The following MUC22 variants were observed in gnomAD, a reference collection of about 807,000 sequenced individuals.
The protein encoded by MUC22 is mucin-22.
Under a neutral mutation model 40.3 loss-of-function variants are expected in MUC22, and 24 were observed. The observed-to-expected ratio is 0.60, with a 90% CI of 0.43 to 0.84. The LOEUF is 0.84. MUC22 is among the 40% of genes least tolerant of loss of function. The pLI, the probability that MUC22 is intolerant of heterozygous loss-of-function variation, is 0.00. For synonymous variants in MUC22, 765 were observed against 844.5 expected, an observed-to-expected ratio of 0.91 and a Z score of 1.63; for missense variants, 1,926 against 2,130.7, an observed-to-expected ratio of 0.90 and a Z score of 1.89.
intron 3 of MUC22, 39 bp from the exon 4 acceptor site, chr6:31,034,633 T>C (rs1361170524): frequency 3.3e-6 from 5 of 1,492,652 alleles, no homozygotes; most frequent in Non-Finnish European, 4.5e-6. Flanking sequence ...AGAGGAGACT[T>C]AATTTTCATT....
At chr6:31,027,911 C>T in exon 2 of MUC22, 1 of 1,535,082 alleles carries the variant, frequency 6.5e-7, no homozygotes, top group Non-Finnish European at 8.7e-7. Flanking sequence ...GAGACCACCA[C>T]AGACTCTACT....
intron 1 of MUC22, among the ~76,000 whole-genome samples, chr6:31,021,971 C>A (rs996393146): frequency 1.3e-5 from 2 of 152,116 alleles, no homozygotes; most frequent in African/African-American, 2.4e-5. Flanking sequence ...TGCAGCTTCA[C>A]TCCTGAAGCC....
Position 31,012,355 on chromosome 6 carries a change from C to A in MUC22, c.70+1579C>A, listed in dbSNP as rs189869858. Among the ~76,000 whole-genome samples the A allele has an allele frequency of 2.6e-5, 4 of 152,304 alleles. No individual in the cohort carries two copies. The East Asian group carries it at 7.7e-4, about 29-fold the overall frequency. ...TTTCTTCTCTTTCCCCTTGCCTTCA[C>A]CCTGAATGCTTCAACTGTTCTCTAC... On this transcript the variant is annotated intron_variant, in intron 1 of 3. Coordinates refer to ENST00000561890, the Ensembl canonical transcript of MUC22.
upstream of MUC22, among the ~76,000 whole-genome samples, chr6:31,009,370 T>A (rs577776631): frequency 5.9e-5 from 9 of 152,236 alleles, no homozygotes; most frequent in South Asian, 1.9e-3. Flanking sequence ...CCCGGCCAAT[T>A]GTTGAATCTT....
In MUC22 at chr6:31,029,302, G is replaced by A. The variant is rs140778074; in HGVS notation, c.3871G>A (p.Ala1291Thr). 14,271 of 1,526,722 alleles carry A rather than the reference G, an allele frequency of 9.3e-3. 137 individuals are homozygous for A. Among genetic ancestry groups the A allele is most frequent in the South Asian group, 0.026 (2,173 of 83,528 alleles). 94.6% of individuals were successfully genotyped at this position (1,526,722 alleles called of 1,614,324 possible). A position where few individuals can be genotyped will look rare whatever the true frequency, so the allele number is the denominator to read the frequency against. The change falls in exon 2 of 4, where the codon GCA (alanine) becomes ACA (threonine). Residue 1291 changes from alanine to threonine, a missense_variant. Transcript: ENST00000561890. ...TTCAGAGACCACTACAGTCACTACT[G>A]CAGGTTCTGAGACCACAGCAGTCTA... is the stretch of plus-strand genomic sequence containing the variant.
In MUC22 at chr6:31,011,441, C is replaced by T. The variant is rs767050773; in HGVS notation, c.70+665C>T. Among the ~76,000 whole-genome samples the T allele has an allele frequency of 6.6e-5, 10 of 152,146 alleles. No homozygotes were observed. The highest frequency in any genetic ancestry group is 1.3e-4 in the Non-Finnish European group (9 of 68,036). ...GCTCCCACCTATCAGTGAGAACATA[C>T]GATGTTTGGTTTTCCATTCCTGAGT... On this transcript the variant is annotated intron_variant, in intron 1 of 3. Transcript: ENST00000561890. This position sits in a 1 kb window ranked among gnomAD's most constrained non-coding sequence, Gnocchi z 4.5.
chr6:31,025,392 G>C, intron 1 of MUC22, 110 bp from the exon 2 acceptor site: 1 of 1,272,668 alleles, frequency 7.9e-7, no homozygotes, highest in Non-Finnish European at 1.0e-6. Context: ...CTCAATAACT[G>C]AATAAATAAA....
intron 1 of MUC22, among the ~76,000 whole-genome samples, chr6:31,012,156 T>C (rs9380204): frequency 0.11 from 17,169 of 152,172 alleles, 1,257 homozygotes; most frequent in East Asian, 0.33. Context: ...TCCATTGCCT[T>C]TACTGTAGGA....
intron 1 of MUC22, among the ~76,000 whole-genome samples, chr6:31,020,011 T>A (rs1764553277): frequency 6.6e-6 from 1 of 152,156 alleles, no homozygotes; most frequent in South Asian, 2.1e-4. Flanking sequence ...CAATATGTAT[T>A]ATTGAAGTTC....
chr6:31,027,606 C>CA lies in MUC22; in HGVS notation c.2179dup (p.Thr727AsnfsTer8). On this transcript the variant is annotated frameshift_variant, in exon 2 of 4. Transcript: ENST00000561890. LOFTEE classifies it high-confidence loss of function. ...CAGTCACTACCGCAGGCTCTGAGACCAAAACAGCCTATACTACAGGCTCTG... is the reference window on the plus strand; with the variant it reads ...CAGTCACTACCGCAGGCTCTGAGACCAAAAACAGCCTATACTACAGGCTCTG... 6.5e-7 allele frequency: 1 copy of CA among 1,526,864 alleles called. No homozygotes were observed. The highest frequency in any genetic ancestry group is 2.5e-5 in the East Asian group (1 of 40,708). 94.6% of individuals were successfully genotyped at this position (1,526,864 alleles called of 1,614,324 possible).
At chr6:31,029,273 A>T in exon 2 of MUC22, 1 of 1,524,740 alleles carries the variant, frequency 6.6e-7, no homozygotes, top group Non-Finnish European at 8.8e-7. Context: ...ACCTCTACTG[A>T]AGGTTCAGAG....
chr6:31,035,305 C>T (rs1359326441), exon 4 of MUC22: 1 of 261,730 alleles, frequency 3.8e-6, no homozygotes, highest in African/African-American at 2.2e-5. Context: ...ACATCAGGGT[C>T]AACGTTTCTC....
In MUC22 at chr6:31,027,132, G is replaced by T. The variant is rs535087379; in HGVS notation, c.1701G>T (p.Lys567Asn). Residue 567 changes from lysine to asparagine, a missense_variant, in exon 2 of 4, where the codon AAG becomes AAT. Physicochemically the swap from Lys to Asn is moderately conservative, Grantham distance 94. This residue lies in a region of MUC22 where 1,281 missense variants were observed against 1,337.8 expected (regional missense o/e 0.96). Transcript: ENST00000561890. ...CTACCATAGGCCCTGAGACCACCAAGGTCTCCACTGCAAGCTCTGAGGTGA... is the reference window on the plus strand; with the variant it reads ...CTACCATAGGCCCTGAGACCACCAATGTCTCCACTGCAAGCTCTGAGGTGA... 5.6e-5 allele frequency: 83 copies of T among 1,479,658 alleles called. 7 individuals are homozygous for T. Among genetic ancestry groups the T allele is most frequent in the Non-Finnish European group, 7.5e-5 (83 of 1,113,206 alleles). The allele number at this position is 1,479,658 out of a possible 1,614,324, so 91.7% of individuals were successfully genotyped here.
chr6:31,028,051 G>C, exon 2 of MUC22: 2 of 1,534,444 alleles, frequency 1.3e-6, no homozygotes, highest in Non-Finnish European at 1.7e-6. Context: ...TACAGGCTCT[G>C]AGACCACCAC....
At chr6:31,019,194 G>A (rs1036412175) in intron 1 of MUC22, among the ~76,000 whole-genome samples, 5 of 152,234 alleles carry the variant, frequency 3.3e-5, no homozygotes, top group Non-Finnish European at 5.9e-5. Flanking sequence ...CCAACTCTGC[G>A]TAAGCCCCAA....
At chr6:31,022,512 A>G (rs1050430105) in intron 1 of MUC22, among the ~76,000 whole-genome samples, 5 of 148,526 alleles carry the variant, frequency 3.4e-5, no homozygotes, top group African/African-American at 1.3e-4. Flanking sequence ...AGATCTATGC[A>G]AAAAAGAATG....
At chr6:31,024,238 A>G (rs924460602) in intron 1 of MUC22, among the ~76,000 whole-genome samples, 1 of 152,246 alleles carries the variant, frequency 6.6e-6, no homozygotes, top group African/African-American at 2.4e-5. Context: ...TTCTGAATTG[A>G]ACTGGTTTAC....
At chr6:31,010,469 C>T (rs577366865), upstream of MUC22, 2 of 535,598 alleles carry the variant, frequency 3.7e-6, no homozygotes, top group African/African-American at 3.8e-5. Context: ...GACACGTTTG[C>T]GAGGAAAAAA....
chr6:31,032,221 C>CA lies in MUC22; in HGVS notation c.4696dup (p.Thr1566AsnfsTer58). The stretch of plus-strand genomic sequence containing the variant: ...GCACCAGAACCACTGGAACCAGACT[C>CA]ACTGCCTCCAGCTCTGTCACCATGG... On this transcript the variant is annotated frameshift_variant, in exon 3 of 4. Transcript: ENST00000561890. LOFTEE classifies it high-confidence loss of function. This position sits in a 1 kb window ranked among gnomAD's most constrained non-coding sequence, Gnocchi z 4.1. The CA allele has an allele frequency of 1.3e-6, 2 of 1,535,152 alleles. No homozygotes were observed. The highest frequency in any genetic ancestry group is 8.7e-7 in the Non-Finnish European group (1 of 1,146,586).
Sources: gnomAD v4.1 joint callset for allele counts (sites outside exome capture counted in the v4.1 genomes callset) on GRCh38, gnomAD v4.1.1 for gene constraint, gnomAD v4.1.1 regional missense constraint, Gnocchi (gnomAD v3.1) non-coding constraint, MANE v1.5 for transcripts, NCBI Gene and HGNC (gene_info 2026-07-23, HGNC 2026-07-21) for gene names.